Variants in NSMAF observed in about 807,000 individuals in gnomAD.
NSMAF encodes protein FAN.
NSMAF carries 90 observed loss-of-function variants against 134.9 expected under a neutral mutation model. The observed-to-expected ratio is 0.67, with a 90% CI of 0.56 to 0.79. The LOEUF (loss-of-function observed/expected upper bound fraction) is 0.79. Ranked by LOEUF, NSMAF falls within the 30% of genes least tolerant of loss-of-function variation. The probability of loss-of-function intolerance (pLI) is 0.00; values close to 1 mark genes in which losing one functional copy is unlikely to be tolerated. For synonymous variants in NSMAF, 358 were observed against 389.6 expected (o/e 0.92, Z 0.96); for missense variants, 1,010 against 1,119.0 (o/e 0.90, Z 1.39).
intron 1 of NSMAF, among the ~76,000 whole-genome samples, chr8:58,644,670 G>A (rs116673198): frequency 0.027 from 4,120 of 152,254 alleles, 204 homozygotes; most frequent in African/African-American, 0.093. Flanking sequence ...GCACACATAT[G>A]TTTAATGCGG....
chr8:58,651,672 C>T (rs930843010), intron 1 of NSMAF, among the ~76,000 whole-genome samples: 5 of 152,160 alleles, frequency 3.3e-5, no homozygotes, highest in Admixed American at 6.5e-5. Context: ...TTTATATGTA[C>T]TATCAAGAAG....
At chr8:58,586,036 G>T in intron 28 of NSMAF, 36 bp from the exon 29 acceptor site, 2 of 1,465,728 alleles carry the variant, frequency 1.4e-6, no homozygotes, top group Non-Finnish European at 1.9e-6. Context: ...ATGAGTGACA[G>T]CTTCAGAATG....
intron 1 of NSMAF, among the ~76,000 whole-genome samples, chr8:58,657,123 C>T (rs1807734377): frequency 6.6e-6 from 1 of 152,174 alleles, no homozygotes; most frequent in African/African-American, 2.4e-5. Context: ...TAGAATCCAT[C>T]CACTTTCCTC....
At chr8:58,638,570 A>G (rs923263090) in intron 2 of NSMAF, among the ~76,000 whole-genome samples, 5 of 152,184 alleles carry the variant, frequency 3.3e-5, no homozygotes, top group Admixed American at 3.3e-4. Flanking sequence ...AAAACTAGAT[A>G]TCCCCGTGGA....
intron 6 of NSMAF, among the ~76,000 whole-genome samples, chr8:58,625,135 T>A (rs1016281950): frequency 6.6e-6 from 1 of 152,064 alleles, no homozygotes; most frequent in African/African-American, 2.4e-5. Context: ...AGGGCCTAAA[T>A]CGAATAAAAG....
intron 5 of NSMAF, among the ~76,000 whole-genome samples, chr8:58,631,945 T>C (rs889716556): frequency 6.6e-6 from 1 of 152,060 alleles, no homozygotes; most frequent in Non-Finnish European, 1.5e-5. Context: ...AACTTAGAGG[T>C]CATCTGGGCA....
chr8:58,619,150 T>C (rs977141535), intron 9 of NSMAF, among the ~76,000 whole-genome samples: 1 of 152,146 alleles, frequency 6.6e-6, no homozygotes, highest in African/African-American at 2.4e-5. Context: ...TTACCTAATA[T>C]ATCCTGCCAG....
chr8:58,586,026 A>C, intron 28 of NSMAF, 26 bp from the exon 29 acceptor site: 2 of 1,508,166 alleles, frequency 1.3e-6, no homozygotes, highest in Non-Finnish European at 1.8e-6. Flanking sequence ...AGACTCAGAT[A>C]TGAGTGACAG....
intron 28 of NSMAF, 78 bp downstream of exon 28, chr8:58,586,380 T>G (rs995416769): frequency 7.2e-6 from 10 of 1,380,574 alleles, no homozygotes; most frequent in African/African-American, 1.5e-5. Context: ...TTATTGTTTA[T>G]TTCAAAATTA....
At chr8:58,594,179 A>T (rs1806080294) in intron 23 of NSMAF, 53 bp downstream of exon 23, 1 of 1,497,714 alleles carries the variant, frequency 6.7e-7, no homozygotes, top group Admixed American at 1.7e-5. Context: ...ATAATAAAGA[A>T]CTCAGACATT....
chr8:58,659,158 G>A, intron 1 of NSMAF: 3 of 1,405,410 alleles, frequency 2.1e-6, no homozygotes, highest in Non-Finnish European at 2.8e-6. Flanking sequence ...TAAGGGGAAG[G>A]ATTAGAAAGG....
chr8:58,613,213 A>AATTTC (rs1806570415), intron 9 of NSMAF, among the ~76,000 whole-genome samples: 1 of 152,200 alleles, frequency 6.6e-6, no homozygotes, highest in Non-Finnish European at 1.5e-5. Context: ...GCAAACACAT[A>AATTTC]TATGTATCTA....
intron 18 of NSMAF, 106 bp from the exon 19 acceptor site, chr8:58,599,469 C>T: frequency 1.6e-6 from 2 of 1,255,092 alleles, no homozygotes; most frequent in Non-Finnish European, 2.2e-6. Flanking sequence ...GGCAAGAGGT[C>T]CATATTTCTT....
At position 58,603,233 on chromosome 8, in the gene NSMAF, T is replaced by A; in HGVS notation, c.1022A>T (p.His341Leu). 6.2e-7 allele frequency: 1 copy of A among 1,614,204 alleles called. No homozygotes were observed. Among genetic ancestry groups the A allele is most frequent in the South Asian group, 1.1e-5 (1 of 91,082 alleles). ...ACCTAGTTCTGAGCTGGAATAATCA[T>A]GTATTATCCATGGAAACACAGGGTA... ...SQYPVFPWII[H>L]DYSSSELDLS... Residue 341 changes from histidine to leucine, a missense_variant, in exon 13 of 31, where the codon CAT becomes CTT. Coordinates refer to ENST00000038176, the MANE Select transcript of NSMAF (RefSeq NM_003580.4).
intron 6 of NSMAF, among the ~76,000 whole-genome samples, chr8:58,630,787 C>T (rs1387869356): frequency 6.6e-6 from 1 of 152,162 alleles, no homozygotes; most frequent in Non-Finnish European, 1.5e-5. Flanking sequence ...ACAATTTGTG[C>T]CGCCTAAGAG....
chr8:58,606,612 A>G (rs1226016894), intron 11 of NSMAF, among the ~76,000 whole-genome samples: 2 of 152,176 alleles, frequency 1.3e-5, no homozygotes, highest in African/African-American at 4.8e-5. Flanking sequence ...CAAATTGATA[A>G]TTGAATAACC....
chr8:58,598,309 T>C (rs16923594), intron 19 of NSMAF, among the ~76,000 whole-genome samples: 43,092 of 151,494 alleles, frequency 0.28, 6,492 homozygotes, highest in East Asian at 0.49. Flanking sequence ...AAGATAAGCA[T>C]TGAAACTGAA....
chr8:58,600,621 CAAAAA>C (rs35209612), intron 16 of NSMAF, among the ~76,000 whole-genome samples: 1 of 44,682 alleles, frequency 2.2e-5, no homozygotes, highest in East Asian at 7.3e-4. Context: ...GACTCTGTCT[CAAAAA>C]AAAAAAAAAA....
At chr8:58,610,229 G>T (rs1806497454) in intron 9 of NSMAF, among the ~76,000 whole-genome samples, 1 of 152,026 alleles carries the variant, frequency 6.6e-6, no homozygotes, top group Non-Finnish European at 1.5e-5. Flanking sequence ...ATATCCCTCT[G>T]TGAATTTACT....
Sources: gnomAD v4.1 joint callset for allele counts (sites outside exome capture counted in the v4.1 genomes callset) on GRCh38, gnomAD v4.1.1 for gene constraint, MANE v1.5 for transcripts, NCBI Gene and HGNC (gene_info 2026-07-23, HGNC 2026-07-21) for gene names.